LRRC7: variants seen among roughly 807,000 people sequenced by gnomAD.
The protein encoded by LRRC7 is leucine rich repeat containing 7.
A neutral mutation model predicts 175.7 loss-of-function variants in LRRC7; 23 were observed. The observed-to-expected ratio is 0.13, with a 90% CI of 0.09 to 0.19. The LOEUF (loss-of-function observed/expected upper bound fraction) is 0.19. Ranked by LOEUF, LRRC7 falls within the 10% of genes least tolerant of loss-of-function variation. The pLI, the probability that LRRC7 is intolerant of heterozygous loss-of-function variation, is 1.00. For synonymous variants in LRRC7, 685 were observed against 680.9 expected (o/e 1.01, Z -0.09); for missense variants, 1,354 against 1,904.7 (o/e 0.71, Z 5.38).
At chr1:69,760,519 A>G in intron 3 of LRRC7, 126 bp downstream of exon 3, 3 of 760,514 alleles carry the variant, frequency 3.9e-6, no homozygotes, top group Non-Finnish European at 6.5e-6. Context: ...TGAAATTGAT[A>G]TAACTTCCCC....
chr1:69,576,969 C>T (rs114725439), intron 1 of LRRC7, among the ~76,000 whole-genome samples: 100 of 152,132 alleles, frequency 6.6e-4, no homozygotes, highest in East Asian at 3.3e-3. Context: ...ATTTAATGAG[C>T]GGTTATTTAC....
At chr1:70,074,943 C>T (rs1205984751) in intron 23 of LRRC7, among the ~76,000 whole-genome samples, 1 of 152,022 alleles carries the variant, frequency 6.6e-6, no homozygotes, top group Non-Finnish European at 1.5e-5. Flanking sequence ...CTAACGTTTT[C>T]ATAGTAATCA....
At chr1:69,709,690 A>G (rs1447781203) in intron 2 of LRRC7, among the ~76,000 whole-genome samples, 2 of 152,214 alleles carry the variant, frequency 1.3e-5, no homozygotes, top group Non-Finnish European at 2.9e-5. Flanking sequence ...ACTCTGTATG[A>G]TAGAGAGTTG....
chr1:69,935,750 T>A (rs2101783754), intron 8 of LRRC7, among the ~76,000 whole-genome samples: 1 of 152,294 alleles, frequency 6.6e-6, no homozygotes, highest in African/African-American at 2.4e-5. Flanking sequence ...CTACAATTAT[T>A]TCTTTTCAGT....
intron 7 of LRRC7, among the ~76,000 whole-genome samples, chr1:69,916,200 ATAAAAATAAAATTTTATTATG>A (rs1646705434): frequency 1.5e-5 from 2 of 130,346 alleles, no homozygotes; most frequent in Non-Finnish European, 3.1e-5. Flanking sequence ...TATTTTATAT[ATAAAAATAAAATTTTATTATG>A]TATAATATAA....
chr1:69,847,467 A>G (rs561073006), intron 7 of LRRC7, among the ~76,000 whole-genome samples: 1 of 152,220 alleles, frequency 6.6e-6, no homozygotes, highest in African/African-American at 2.4e-5. Flanking sequence ...CCAATATCAA[A>G]TGGAATATTC....
chr1:69,936,475 G>T (rs952602803), intron 8 of LRRC7, among the ~76,000 whole-genome samples: 1 of 151,872 alleles, frequency 6.6e-6, no homozygotes, highest in African/African-American at 2.4e-5. Context: ...TAATTAATTT[G>T]TTCCTAAGTA....
Position 69,717,924 on chromosome 1 carries a change from AAAGAAAAG to A in LRRC7, c.100+39449_100+39456del, listed in dbSNP as rs1225177423. The stretch of plus-strand genomic sequence containing the variant: ...GAAGGAGGGAGAGAAAGAGAGAAAA[AAAGAAAAG>A]AAAGAAAGAAAGAAAGAAAGAAAGA... On this transcript the variant is annotated intron_variant, in intron 2 of 26. Transcript: ENST00000651989. Among the ~76,000 whole-genome samples, 9 of 14,086 alleles carry A rather than the reference AAAGAAAAG, an allele frequency of 6.4e-4. 1 individual carries two copies. Among genetic ancestry groups the A allele is most frequent in the African/African-American group, 2.7e-3 (6 of 2,230 alleles). The allele number at this position is 14,086 out of a possible 152,430, so 9.2% of individuals were successfully genotyped here. A position where few individuals can be genotyped will look rare whatever the true frequency, so the allele number is the denominator to read the frequency against.
At chr1:69,620,086 G>A (rs2100309461) in intron 1 of LRRC7, among the ~76,000 whole-genome samples, 1 of 152,288 alleles carries the variant, frequency 6.6e-6, no homozygotes, top group African/African-American at 2.4e-5. Context: ...TTATCTGTGT[G>A]AACCTGGATT....
chr1:69,990,941 G>A (rs1654376696), intron 10 of LRRC7, among the ~76,000 whole-genome samples: 1 of 152,022 alleles, frequency 6.6e-6, no homozygotes, highest in South Asian at 2.1e-4. Context: ...TTTTACAAAG[G>A]CAATAGAGTT....
intron 9 of LRRC7, among the ~76,000 whole-genome samples, chr1:69,984,899 A>G (rs1438875831): frequency 6.6e-6 from 1 of 152,216 alleles, no homozygotes; most frequent in East Asian, 1.9e-4. Flanking sequence ...CCCTTTCAGC[A>G]TCTGGCTTCT....
chr1:69,743,183 TAGTC>T (rs1477979914), intron 2 of LRRC7, among the ~76,000 whole-genome samples: 1 of 152,046 alleles, frequency 6.6e-6, no homozygotes, highest in Admixed American at 6.6e-5. Flanking sequence ...TTGTCTGTGT[TAGTC>T]AGGAATGAGC....
At chr1:70,002,407 CT>C (rs748650799) in intron 11 of LRRC7, among the ~76,000 whole-genome samples, 1 of 152,154 alleles carries the variant, frequency 6.6e-6, no homozygotes, top group East Asian at 1.9e-4. Flanking sequence ...TTGGAGGACT[CT>C]GTATACAAGT....
chr1:69,669,307 T>C (rs1658719684), intron 1 of LRRC7, among the ~76,000 whole-genome samples: 1 of 152,204 alleles, frequency 6.6e-6, no homozygotes, highest in Non-Finnish European at 1.5e-5. Context: ...GGAAAGTCTT[T>C]ATCTGCATGT....
rs550937584 is a variant in LRRC7 at position 69,856,406 on chromosome 1, T to C, written c.647+18123T>C. ...AGAAAAGAGAGAAGAATCAATTAGA[T>C]GCAATAAAAAATGATAAAGGAGATA... On this transcript the variant is annotated intron_variant, in intron 7 of 26. Coordinates refer to ENST00000651989, the MANE Select transcript of LRRC7 (RefSeq NM_001370785.2). Among the ~76,000 whole-genome samples the C allele has an allele frequency of 1.9e-4, 29 of 151,936 alleles. No homozygotes were observed. In the South Asian group the frequency reaches 5.8e-3, roughly 30 times the overall value.
chr1:70,053,553 C>T (rs1660904839), intron 23 of LRRC7, among the ~76,000 whole-genome samples: 1 of 152,008 alleles, frequency 6.6e-6, no homozygotes. Flanking sequence ...CAGTGAACAA[C>T]TATATGTACA....
chr1:69,702,296 A>G (rs1215211934), intron 2 of LRRC7, among the ~76,000 whole-genome samples: 1 of 152,206 alleles, frequency 6.6e-6, no homozygotes, highest in Non-Finnish European at 1.5e-5. Flanking sequence ...AGAACACATC[A>G]TCAAGTGCAT....
At chr1:70,036,692 C>A in intron 20 of LRRC7, 68 bp downstream of exon 20, 1 of 1,490,000 alleles carries the variant, frequency 6.7e-7, no homozygotes, top group Non-Finnish European at 9.1e-7. Context: ...AAAATGGAAT[C>A]TTCTTAATTT....
At chr1:70,111,685 G>C (rs2102223257) in intron 26 of LRRC7, among the ~76,000 whole-genome samples, 1 of 152,146 alleles carries the variant, frequency 6.6e-6, no homozygotes, top group Admixed American at 6.5e-5. Context: ...CTGTTGAAAA[G>C]ATGAATAGAC....
Sources: allele counts gnomAD v4.1 joint callset (sites outside exome capture counted in the v4.1 genomes callset), GRCh38; gene constraint gnomAD v4.1.1; transcripts MANE v1.5; gene names NCBI Gene and HGNC (gene_info 2026-07-23, HGNC 2026-07-21).